Variants in RTN4RL1 observed in about 807,000 individuals in gnomAD.
The protein encoded by RTN4RL1 is reticulon-4 receptor-like 1.
A neutral mutation model predicts 25.6 loss-of-function variants in RTN4RL1; 7 were observed. The ratio of observed to expected loss-of-function variants is 0.27; its 90% CI spans 0.16 to 0.51. RTN4RL1 has a LOEUF of 0.51. Ranked by LOEUF, RTN4RL1 falls within the 20% of genes least tolerant of loss-of-function variation. The pLI is 0.97. For synonymous variants in RTN4RL1, 297 were observed against 288.2 expected (o/e 1.03, Z -0.31); for missense variants, 500 against 615.6 (o/e 0.81, Z 1.99).
intron 1 of RTN4RL1, among the ~76,000 whole-genome samples, chr17:2,005,504 C>T (rs943111522): frequency 1.3e-5 from 2 of 152,184 alleles, no homozygotes; most frequent in African/African-American, 4.8e-5. Context: ...CCCTCCCTAC[C>T]AAGCCCTTTC....
intron 1 of RTN4RL1, among the ~76,000 whole-genome samples, chr17:2,009,178 C>T (rs1050651699): frequency 1.3e-5 from 2 of 152,100 alleles, no homozygotes; most frequent in East Asian, 3.9e-4. Flanking sequence ...GGGCAGGGTT[C>T]GCCGGGCTTG....
Position 1,937,225 on chromosome 17 carries a change from C to T in RTN4RL1, c.597G>A (p.Leu199=), listed in dbSNP as rs1255207194. ...GGTTCTCGTGCAGCAAAAGACGGTCCAGGTTCACCAGGCCCCGGAAGGTGC... is the reference window on the plus strand; with the variant it reads ...GGTTCTCGTGCAGCAAAAGACGGTCTAGGTTCACCAGGCCCCGGAAGGTGC... The part of the protein sequence containing the change: ...GPGTFRGLVN[L]DRLLLHENQL... Residue 199 remains leucine, a synonymous_variant, in exon 2 of 2, where the codon CTG becomes CTA. Transcript: ENST00000331238. 2.1e-5 allele frequency: 34 copies of T among 1,612,116 alleles called. No individual in the cohort carries two copies. The highest frequency in any genetic ancestry group is 2.8e-5 in the Non-Finnish European group (33 of 1,179,876).
intron 1 of RTN4RL1, among the ~76,000 whole-genome samples, chr17:2,002,448 T>A (rs7220403): frequency 0.72 from 105,680 of 147,386 alleles, 38,012 homozygotes; most frequent in African/African-American, 0.77. Flanking sequence ...GCCCGCCACC[T>A]CGCCTGGCTA....
chr17:1,982,301 A>G lies in RTN4RL1; in HGVS notation c.13+42552T>C, dbSNP rs2066870455. ...GGTGAACAGAATAGGACTTTGTCTC[A>G]AAAAGAAAAGAGAAGAGAAGAGAAG... On this transcript the variant is annotated intron_variant, in intron 1 of 1. Transcript: ENST00000331238. Among the ~76,000 whole-genome samples the G allele has an allele frequency of 6.0e-5, 9 of 149,954 alleles. 1 individual carries two copies. The South Asian group carries it at 1.7e-3, about 28-fold the overall frequency.
At position 1,998,520 on chromosome 17, in the gene RTN4RL1, C is replaced by T. The variant is rs1396209303; in HGVS notation, c.13+26333G>A. ...CCGCGGCTGCCCCCGGGCCGGCCAC[C>T]GCTGCCCAGCGCGCAGGTCCCTGCC... On this transcript the variant is annotated intron_variant, in intron 1 of 1. Coordinates refer to ENST00000331238, the MANE Select transcript of RTN4RL1 (RefSeq NM_178568.4). The surrounding 1 kb of genome is among the most constrained non-coding windows in gnomAD (Gnocchi z 4.9). 6.6e-6 allele frequency among the ~76,000 whole-genome samples: 1 copy of T among 152,060 alleles called. No individual in the cohort carries two copies. Among genetic ancestry groups the T allele is most frequent in the Admixed American group, 6.6e-5 (1 of 15,256 alleles).
intron 1 of RTN4RL1, among the ~76,000 whole-genome samples, chr17:2,015,777 GC>G (rs1412047800): frequency 7.4e-6 from 1 of 135,708 alleles, no homozygotes; most frequent in East Asian, 2.8e-4. Context: ...AGAGAGCCGA[GC>G]GGCCGCAAGG....
intron 1 of RTN4RL1, among the ~76,000 whole-genome samples, chr17:1,969,290 C>G (rs1264595452): frequency 6.6e-6 from 1 of 152,034 alleles, no homozygotes; most frequent in Non-Finnish European, 1.5e-5. Context: ...AACTCCTGAC[C>G]TTGTGATCCA....
rs200262350 is a variant in RTN4RL1, at chr17:1,937,160, C to T, written c.662G>A (p.Arg221His). The T allele has an allele frequency of 6.2e-6, 10 of 1,612,016 alleles. No homozygotes were observed. The highest frequency in any genetic ancestry group is 1.3e-5 in the African/African-American group (1 of 74,874). The part of the protein sequence containing the change: ...WVHHKAFHDL[R>H]RLTTLFLFNN... ...GAAGAGGAAGAGGGTGGTCAGCCTG[C>T]GGAGGTCGTGGAACGCCTTGTGGTG... Residue 221 changes from arginine to histidine, a missense_variant, in exon 2 of 2, where the codon CGC (arginine) becomes CAC (histidine). Arg to His is a conservative substitution (Grantham distance 29, BLOSUM62 0). Coordinates refer to ENST00000331238, the MANE Select transcript of RTN4RL1 (RefSeq NM_178568.4).
intron 1 of RTN4RL1, among the ~76,000 whole-genome samples, chr17:1,987,506 C>A: frequency 6.6e-6 from 1 of 152,130 alleles, no homozygotes; most frequent in East Asian, 1.9e-4. Flanking sequence ...TCAAGATGCA[C>A]CTGAGGACGA....
chr17:2,002,260 T>C lies in RTN4RL1; in HGVS notation c.13+22593A>G, dbSNP rs573514706. Among the ~76,000 whole-genome samples the C allele has an allele frequency of 2.7e-5, 4 of 149,366 alleles. No individual in the cohort carries two copies. In the East Asian group the frequency reaches 8.2e-4, roughly 31 times the overall value. On this transcript the variant is annotated intron_variant, in intron 1 of 1. Coordinates refer to ENST00000331238, the MANE Select transcript of RTN4RL1 (RefSeq NM_178568.4). Reference sequence around the variant, plus strand: ...CCTTCCCTCCCTCCCTCCTTTCTTTTTTCTTTCTCTCTTTCTCTTTTTTTT... The same window carrying C: ...CCTTCCCTCCCTCCCTCCTTTCTTTCTTCTTTCTCTCTTTCTCTTTTTTTT...
chr17:1,939,091 A>T (rs531968400), intron 1 of RTN4RL1, among the ~76,000 whole-genome samples: 18 of 151,162 alleles, frequency 1.2e-4, no homozygotes, highest in African/African-American at 2.4e-4. Flanking sequence ...AGTGGCTCAC[A>T]CCTGTAGTCT....
At chr17:2,011,784 C>T (rs992545259) in intron 1 of RTN4RL1, among the ~76,000 whole-genome samples, 2 of 152,144 alleles carry the variant, frequency 1.3e-5, no homozygotes, top group African/African-American at 4.8e-5. Flanking sequence ...ATGATCATTG[C>T]CACAATCTCA....
At chr17:1,952,332 GTTT>G (rs56878786) in intron 1 of RTN4RL1, among the ~76,000 whole-genome samples, 65,598 of 135,532 alleles carry the variant, frequency 0.48, 15,714 homozygotes, top group Middle Eastern at 0.6. Context: ...AGGGAGGTTG[GTTT>G]TTTTTTTTTT....
Position 1,936,817 on chromosome 17 carries a change from G to C in RTN4RL1, c.1005C>G (p.Pro335=). 1 of 1,580,654 alleles carries C rather than the reference G, an allele frequency of 6.3e-7. No individual in the cohort carries two copies. The highest frequency in any genetic ancestry group is 8.6e-7 in the Non-Finnish European group (1 of 1,165,472). The change falls in exon 2 of 2, where the codon CCC becomes CCG. Residue 335 remains proline, a synonymous_variant. Transcript: ENST00000331238. ...CGTGCGGGTGGCCCTTGCTCCTGGT[G>C]GGGCCGTGGGGTGAGTGGTGTTCCT... ...ARKEHHSPHG[P]TRSKGHPHGP...
At chr17:1,949,164 T>C (rs974641750) in intron 1 of RTN4RL1, among the ~76,000 whole-genome samples, 1 of 152,072 alleles carries the variant, frequency 6.6e-6, no homozygotes, top group African/African-American at 2.4e-5. Context: ...GGTTTTCTTG[T>C]GTTAGCCAGG....
intron 1 of RTN4RL1, among the ~76,000 whole-genome samples, chr17:2,001,888 C>T (rs185387370): frequency 1.3e-4 from 20 of 151,124 alleles, no homozygotes; most frequent in African/African-American, 2.9e-4. Context: ...CAGCTCCCCC[C>T]GTCCCCGGCT....
chr17:1,935,539 T>C lies in RTN4RL1; in HGVS notation c.*957A>G. The C allele has an allele frequency of 1.0e-6, 1 of 985,628 alleles. No individual in the cohort carries two copies. Among genetic ancestry groups the C allele is most frequent in the Non-Finnish European group, 1.2e-6 (1 of 829,856 alleles). The allele number at this position is 985,628 out of a possible 1,614,324, so 61.1% of individuals were successfully genotyped here. ...CAGGCCCTTGGCAAGGCCAGGTCCC[T>C]TGGAGACTATCGTTGCCAGTTTGGG... On this transcript the variant is annotated 3_prime_UTR_variant, in exon 2 of 2. Coordinates refer to ENST00000331238, the MANE Select transcript of RTN4RL1 (RefSeq NM_178568.4).
chr17:1,946,891 CACGTGTG>C (rs1382351507), intron 1 of RTN4RL1, among the ~76,000 whole-genome samples: 2 of 111,046 alleles, frequency 1.8e-5, no homozygotes, highest in Non-Finnish European at 1.7e-5. Flanking sequence ...TCTGTGTGTG[CACGTGTG>C]TCTGTGTATG....
At chr17:1,984,068 G>A (rs1780735513) in intron 1 of RTN4RL1, among the ~76,000 whole-genome samples, 1 of 152,216 alleles carries the variant, frequency 6.6e-6, no homozygotes, top group Non-Finnish European at 1.5e-5. Context: ...AGGTGGGCAG[G>A]GCGGGCAGCA....
Sources: gnomAD v4.1 joint callset for allele counts (sites outside exome capture counted in the v4.1 genomes callset) on GRCh38, gnomAD v4.1.1 for gene constraint, Gnocchi (gnomAD v3.1) non-coding constraint, MANE v1.5 for transcripts, NCBI Gene and HGNC (gene_info 2026-07-23, HGNC 2026-07-21) for gene names.